CFAP299: variants seen among roughly 807,000 people sequenced by gnomAD.
CFAP299 encodes cilia and flagella associated protein 299.
In CFAP299, 21 loss-of-function variants were observed where a neutral mutation model predicts 27.0. That is an observed-to-expected ratio of 0.78 (90% confidence interval 0.55 to 1.12). The LOEUF (loss-of-function observed/expected upper bound fraction) is 1.12. Ranked by LOEUF, CFAP299 falls within the 50% of genes most tolerant of loss-of-function variation. The pLI is 0.00. For missense variants in CFAP299, 310 were observed against 276.6 expected, an observed-to-expected ratio of 1.12 and a Z score of -0.86; for synonymous variants, 104 against 98.1, an observed-to-expected ratio of 1.06 and a Z score of -0.36.
intron 2 of CFAP299, among the ~76,000 whole-genome samples, chr4:80,432,012 G>T (rs999762367): frequency 6.6e-6 from 1 of 151,912 alleles, no homozygotes; most frequent in Non-Finnish European, 1.5e-5. Context: ...AGGCCCACTT[G>T]GTTCACAAAA....
intron 2 of CFAP299, among the ~76,000 whole-genome samples, chr4:80,459,482 C>T (rs181058323): frequency 1.3e-5 from 2 of 152,290 alleles, no homozygotes; most frequent in African/African-American, 4.8e-5. Context: ...TCCAAGTGTA[C>T]TTTACTTCCT....
chr4:80,321,758 C>T, the CFAP299 span, among the ~76,000 whole-genome samples: 2 of 152,184 alleles, frequency 1.3e-5, no homozygotes, highest in Non-Finnish European at 2.9e-5. Context: ...ATGCCATCAT[C>T]CTTCCTGTCT....
intron 2 of CFAP299, among the ~76,000 whole-genome samples, chr4:80,376,957 CTT>C (rs1273585352): frequency 6.6e-6 from 1 of 152,154 alleles, no homozygotes; most frequent in Non-Finnish European, 1.5e-5. Context: ...ATGCATATCT[CTT>C]CTTTGGTGAA....
intron 4 of CFAP299, among the ~76,000 whole-genome samples, chr4:80,904,253 G>A (rs997940802): frequency 4.6e-5 from 7 of 152,120 alleles, no homozygotes; most frequent in African/African-American, 1.7e-4. Flanking sequence ...CTGGATTAAA[G>A]CAGTGCTTCC....
chr4:80,519,353 T>A (rs1732787330), intron 2 of CFAP299, among the ~76,000 whole-genome samples: 1 of 152,100 alleles, frequency 6.6e-6, no homozygotes, highest in Admixed American at 6.5e-5. Context: ...ATTACAAGCA[T>A]GTGCCACCAC....
chr4:80,664,775 A>T (rs1386580159), intron 3 of CFAP299, among the ~76,000 whole-genome samples: 2 of 151,964 alleles, frequency 1.3e-5, no homozygotes, highest in African/African-American at 2.4e-5. Context: ...CCACTGGGGT[A>T]TGAAAAAAAA....
chr4:80,621,030 C>G (rs556814372), intron 3 of CFAP299, among the ~76,000 whole-genome samples: 1 of 151,994 alleles, frequency 6.6e-6, no homozygotes, highest in East Asian at 1.9e-4. Context: ...TATCATTAAC[C>G]AAGTAACCTT....
chr4:80,800,719 A>C (rs1186303581), intron 3 of CFAP299, among the ~76,000 whole-genome samples: 2 of 107,922 alleles, frequency 1.9e-5, no homozygotes, highest in Non-Finnish European at 3.5e-5. Context: ...TTTATGTATG[A>C]GTCCATATGT....
In CFAP299 at chr4:80,664,760, A is replaced by C. The variant is rs1741056118; in HGVS notation, c.333+81577A>C. Among the ~76,000 whole-genome samples the C allele has an allele frequency of 1.3e-5, 2 of 151,820 alleles. 1 individual carries two copies. Among genetic ancestry groups the C allele is most frequent in the South Asian group, 4.2e-4 (2 of 4,816 alleles). On this transcript the variant is annotated intron_variant, in intron 3 of 5. Coordinates refer to ENST00000358105, the MANE Select transcript of CFAP299 (RefSeq NM_152770.3). The stretch of plus-strand genomic sequence containing the variant: ...AATGGTTCTGCCTGGCTGGTGTTCT[A>C]GGCACCACTGGGGTATGAAAAAAAA...
intron 5 of CFAP299, among the ~76,000 whole-genome samples, chr4:80,947,954 T>C (rs763691689): frequency 3.3e-5 from 5 of 152,128 alleles, no homozygotes; most frequent in Non-Finnish European, 5.9e-5. Flanking sequence ...AATTACATTT[T>C]TATAGTCAAT....
At chr4:80,409,632 TCACA>T (rs546532077) in intron 2 of CFAP299, among the ~76,000 whole-genome samples, 129 of 152,352 alleles carry the variant, frequency 8.5e-4, no homozygotes, top group African/African-American at 2.9e-3. Flanking sequence ...TATTTCGTTT[TCACA>T]GCTTTACTAT....
intron 2 of CFAP299, among the ~76,000 whole-genome samples, chr4:80,369,585 A>G (rs897147058): frequency 6.6e-6 from 1 of 151,998 alleles, no homozygotes; most frequent in Admixed American, 6.6e-5. Flanking sequence ...TTAGCCATGT[A>G]TTCTTCCCTA....
chr4:80,585,594 T>C (rs1363546932), intron 3 of CFAP299, among the ~76,000 whole-genome samples: 1 of 152,146 alleles, frequency 6.6e-6, no homozygotes, highest in Non-Finnish European at 1.5e-5. Context: ...AGGGCTATGT[T>C]GCTGTGCTCA....
intron 2 of CFAP299, among the ~76,000 whole-genome samples, chr4:80,561,544 A>G (rs941619351): frequency 2.6e-5 from 4 of 152,100 alleles, no homozygotes; most frequent in Non-Finnish European, 5.9e-5. Flanking sequence ...TATTGAGGAA[A>G]CTCAAAGGAA....
chr4:80,638,203 A>G (rs905617221), intron 3 of CFAP299, among the ~76,000 whole-genome samples: 2 of 152,192 alleles, frequency 1.3e-5, no homozygotes, highest in Non-Finnish European at 2.9e-5. Context: ...TTCCTGCTGC[A>G]GGCCCTTTTC....
chr4:80,568,246 CAGTT>C (rs1735410232), intron 2 of CFAP299, among the ~76,000 whole-genome samples: 1 of 151,844 alleles, frequency 6.6e-6, no homozygotes, highest in South Asian at 2.1e-4. Flanking sequence ...ATAATCCAGT[CAGTT>C]ACATTGAAGC....
chr4:80,759,076 C>G (rs1260232831), intron 3 of CFAP299, among the ~76,000 whole-genome samples: 4 of 152,074 alleles, frequency 2.6e-5, no homozygotes, highest in Admixed American at 6.5e-5. Flanking sequence ...GTGATGGCCA[C>G]AAAAAGACAT....
chr4:80,800,823 T>G (rs150678671), intron 3 of CFAP299, among the ~76,000 whole-genome samples: 2,787 of 141,904 alleles, frequency 0.02, 67 homozygotes, highest in South Asian at 0.059. Context: ...TTAACTCACA[T>G]GATCACAAGG....
intron 2 of CFAP299, among the ~76,000 whole-genome samples, chr4:80,461,186 T>C (rs1729420771): frequency 6.6e-6 from 1 of 152,060 alleles, no homozygotes; most frequent in Non-Finnish European, 1.5e-5. Flanking sequence ...AGCCTCCAGG[T>C]AGCAGGCGTT....
Sources: allele counts gnomAD v4.1 joint callset (sites outside exome capture counted in the v4.1 genomes callset), GRCh38; gene constraint gnomAD v4.1.1; transcripts MANE v1.5; gene names NCBI Gene and HGNC (gene_info 2026-07-23, HGNC 2026-07-21).